FRY: variants seen among roughly 807,000 people sequenced by gnomAD.
FRY encodes FRY microtubule binding protein.
In FRY, 128 loss-of-function variants were observed where a neutral mutation model predicts 348.4. The ratio of observed to expected loss-of-function variants is 0.37; its 90% CI spans 0.32 to 0.43. The LOEUF (loss-of-function observed/expected upper bound fraction) is 0.43, where lower values mean the gene tolerates loss of function less well. Ranked by LOEUF, FRY falls within the 20% of genes least tolerant of loss-of-function variation. The pLI is 1.00. For missense variants in FRY, 2,736 were observed against 3,695.2 expected (o/e 0.74, Z 6.73); for synonymous variants, 1,370 against 1,374.7 (o/e 1.00, Z 0.08).
At chr13:32,203,395 A>G in intron 31 of FRY, among the ~76,000 whole-genome samples, 1 of 152,158 alleles carries the variant, frequency 6.6e-6, no homozygotes, top group East Asian at 1.9e-4. Flanking sequence ...CACATGGAGG[A>G]TAAACTGCAG....
At position 32,209,701 on chromosome 13, in the gene FRY, G is replaced by T. The variant is rs746534768; in HGVS notation, c.4392G>T (p.Gly1464=). ...ITLQFLISLC[G]VSSDTVLLPY... is the part of the protein sequence containing the mutation. Reference sequence around the variant, plus strand: ...TGCAGTTCCTGATTAGCCTCTGTGGGGTCAGCAGCGACACAGTTCTCCTAC... The same window carrying T: ...TGCAGTTCCTGATTAGCCTCTGTGGTGTCAGCAGCGACACAGTTCTCCTAC... Residue 1464 remains glycine, a synonymous_variant, in exon 33 of 61, where the codon GGG becomes GGT. Coordinates refer to ENST00000542859, the MANE Select transcript of FRY (RefSeq NM_023037.3). 1 of 1,614,094 alleles carries T rather than the reference G, an allele frequency of 6.2e-7. No homozygotes were observed. Among genetic ancestry groups the T allele is most frequent in the South Asian group, 1.1e-5 (1 of 91,086 alleles).
intron 3 of FRY, among the ~76,000 whole-genome samples, chr13:32,114,105 A>G (rs1464278457): frequency 6.6e-6 from 1 of 152,228 alleles, no homozygotes; most frequent in Non-Finnish European, 1.5e-5. Context: ...TGCATTGCCC[A>G]GAGATGTTTA....
intron 49 of FRY, among the ~76,000 whole-genome samples, chr13:32,250,602 A>C (rs1887024988): frequency 6.6e-6 from 1 of 152,208 alleles, no homozygotes; most frequent in African/African-American, 2.4e-5. Flanking sequence ...ATTCTGAAAG[A>C]TCTTGCAGGA....
At chr13:32,291,726 C>CATTCATG (rs1343508068) in intron 59 of FRY, among the ~76,000 whole-genome samples, 271 of 152,236 alleles carry the variant, frequency 1.8e-3, no homozygotes, top group Middle Eastern at 6.8e-3. Context: ...CCATTAAGAA[C>CATTCATG]ATTCATGATT....
chr13:32,204,620 T>G (rs1238038258), intron 31 of FRY, among the ~76,000 whole-genome samples: 1 of 152,206 alleles, frequency 6.6e-6, no homozygotes, highest in Non-Finnish European at 1.5e-5. Context: ...CTTCCTAACT[T>G]CAACTTTCCA....
At chr13:32,238,881 G>T (rs2138461354) in intron 44 of FRY, among the ~76,000 whole-genome samples, 1 of 152,234 alleles carries the variant, frequency 6.6e-6, no homozygotes, top group Middle Eastern at 3.4e-3. Flanking sequence ...GACTTAAATT[G>T]GTTGGCCTAT....
chr13:32,135,157 C>T lies in FRY; in HGVS notation c.1051C>T (p.Leu351Phe). The T allele has an allele frequency of 6.2e-7, 1 of 1,610,110 alleles. No individual in the cohort carries two copies. The highest frequency in any genetic ancestry group is 8.5e-7 in the Non-Finnish European group (1 of 1,176,356). Residue 351 changes from leucine (L) to phenylalanine (F), a missense_variant, in exon 10 of 61, where the codon CTT becomes TTT. Physicochemically the swap from Leu to Phe is conservative, Grantham distance 22 (BLOSUM62 0). Around this residue, in one of 9 missense-constraint regions of FRY, gnomAD observed 191 missense variants for 370.2 expected, o/e 0.52. Transcript: ENST00000542859. ...AAGCCTGTATGACACCACGCTGGAACTTTCTTCTCGAAAGAAGCATTCCTT... is the reference window on the plus strand; with the variant it reads ...AAGCCTGTATGACACCACGCTGGAATTTTCTTCTCGAAAGAAGCATTCCTT... The part of the protein sequence containing the change: ...VESLYDTTLE[L>F]SSRKKHSLAL...
chr13:32,212,764 T>A lies in FRY; in HGVS notation c.4682+382T>A, dbSNP rs570013141. On this transcript the variant is annotated intron_variant, in intron 35 of 60. Transcript: ENST00000542859. ...TAGGGATAGAGTAGTCATCTTGAGATGAGTTCTATGAAACATGATTATTAT... is the reference window on the plus strand; with the variant it reads ...TAGGGATAGAGTAGTCATCTTGAGAAGAGTTCTATGAAACATGATTATTAT... Among the ~76,000 whole-genome samples the A allele has an allele frequency of 2.6e-5, 4 of 152,370 alleles. No individual in the cohort carries two copies. The East Asian group carries it at 7.7e-4, about 29-fold the overall frequency.
chr13:32,292,241 C>T (rs772086889), intron 59 of FRY, among the ~76,000 whole-genome samples: 7 of 151,990 alleles, frequency 4.6e-5, no homozygotes, highest in Non-Finnish European at 1.0e-4. Flanking sequence ...CGTTGGCCTC[C>T]CAAAGTGCTG....
chr13:32,035,514 G>C (rs1439804652), intron 1 of FRY, among the ~76,000 whole-genome samples: 1 of 152,180 alleles, frequency 6.6e-6, no homozygotes, highest in Non-Finnish European at 1.5e-5. Context: ...TTTTCCAGGA[G>C]AGAAGGGCTT....
intron 35 of FRY, among the ~76,000 whole-genome samples, chr13:32,216,403 C>T (rs1336944336): frequency 6.6e-6 from 1 of 152,188 alleles, no homozygotes; most frequent in East Asian, 1.9e-4. Flanking sequence ...TTGCTCCTCC[C>T]CTTTATTCCA....
intron 2 of FRY, among the ~76,000 whole-genome samples, chr13:32,097,193 T>G (rs957362945): frequency 6.6e-6 from 1 of 152,116 alleles, no homozygotes; most frequent in African/African-American, 2.4e-5. Flanking sequence ...GATTGCCTTC[T>G]GTGCTCCCAC....
chr13:32,228,137 T>C (rs751246847), intron 39 of FRY, among the ~76,000 whole-genome samples: 40 of 152,326 alleles, frequency 2.6e-4, no homozygotes, highest in Middle Eastern at 6.8e-3. Context: ...GAACTGGTTG[T>C]TTGCCTGGTC....
intron 4 of FRY, among the ~76,000 whole-genome samples, chr13:32,117,859 T>C (rs55714441): frequency 0.024 from 3,710 of 152,266 alleles, 62 homozygotes; most frequent in Non-Finnish European, 0.035. Context: ...GTGCTCAGTG[T>C]ACTGTAGTGG....
intron 3 of FRY, among the ~76,000 whole-genome samples, chr13:32,113,583 G>A (rs777758394): frequency 6.6e-6 from 1 of 152,192 alleles, no homozygotes; most frequent in Non-Finnish European, 1.5e-5. Flanking sequence ...TCTTCATGCT[G>A]CCCAGTACCT....
At chr13:32,240,148 A>C (rs1886425100) in intron 46 of FRY, among the ~76,000 whole-genome samples, 1 of 152,232 alleles carries the variant, frequency 6.6e-6, no homozygotes, top group South Asian at 2.1e-4. Context: ...AAATATTATA[A>C]TACATGCTAA....
intron 1 of FRY, among the ~76,000 whole-genome samples, chr13:32,073,544 G>GGTGTGT (rs35631279): frequency 3.1e-3 from 464 of 148,598 alleles, no homozygotes; most frequent in African/African-American, 0.01. Context: ...TATGTGGGCG[G>GGTGTGT]GTGTGTGTGT....
At position 32,237,755 on chromosome 13, in the gene FRY, G is replaced by T; in HGVS notation, c.6187G>T (p.Ala2063Ser). 6.2e-7 allele frequency: 1 copy of T among 1,614,100 alleles called. No individual in the cohort carries two copies. The change falls in exon 44 of 61, where the codon GCC becomes TCC. Residue 2063 changes from alanine (A) to serine (S), a missense_variant. By Grantham distance (99) the Ala-to-Ser change is moderately conservative. This residue lies in a region of FRY where 789 missense variants were observed against 996.2 expected (regional missense o/e 0.79). Coordinates refer to ENST00000542859, the MANE Select transcript of FRY (RefSeq NM_023037.3). This position sits in a 1 kb window ranked among gnomAD's most constrained non-coding sequence, Gnocchi z 6.3. ...TGATTTTGAGTTTGAATACTTAATG[G>T]CCTTAAGGCTGTTGAGCAGACTACT... ...ESDFEFEYLM[A>S]LRLLSRLLAH...
intron 17 of FRY, among the ~76,000 whole-genome samples, chr13:32,165,467 T>G (rs1424680123): frequency 6.6e-6 from 1 of 151,990 alleles, no homozygotes; most frequent in Admixed American, 6.6e-5. Flanking sequence ...CATTCTTTAA[T>G]AGCCTCCAAG....
Sources: allele counts gnomAD v4.1 joint callset (sites outside exome capture counted in the v4.1 genomes callset), GRCh38; gene constraint gnomAD v4.1.1; regional missense constraint gnomAD v4.1.1; non-coding constraint Gnocchi (gnomAD v3.1); transcripts MANE v1.5; gene names NCBI Gene and HGNC (gene_info 2026-07-23, HGNC 2026-07-21).